Variants in ZNF823 observed in about 807,000 individuals in gnomAD.
The protein encoded by ZNF823 is zinc finger protein 823.
ZNF823 carries 5 observed loss-of-function variants against 11.4 expected under a neutral mutation model. The ratio of observed to expected loss-of-function variants is 0.44; its 90% confidence interval spans 0.23 to 0.92. ZNF823 has a LOEUF of 0.92. ZNF823 is among the 40% of genes least tolerant of loss of function. The probability of loss-of-function intolerance (pLI) is 0.24; values close to 1 mark genes in which losing one functional copy is unlikely to be tolerated. For missense variants in ZNF823, 582 were observed against 738.5 expected, an observed-to-expected ratio of 0.79 and a Z score of 2.46; for synonymous variants, 234 against 250.5, an observed-to-expected ratio of 0.93 and a Z score of 0.62.
Position 11,728,260 on chromosome 19 carries a change from C to T in ZNF823, c.4-2933G>A, listed in dbSNP as rs1323914988. On this transcript the variant is annotated intron_variant, in intron 1 of 3. Transcript: ENST00000341191. ...AACTGCTTCAAAATGTTGCAAAATA[C>T]ACAGAAAGCCTTCAACCACCTGGAA... Among the ~76,000 whole-genome samples the T allele has an allele frequency of 3.9e-5, 6 of 152,226 alleles. No homozygotes were observed. In the East Asian group the frequency reaches 1.2e-3, roughly 29 times the overall value.
In ZNF823 at chr19:11,736,979, C is replaced by A. The variant is rs964652758; in HGVS notation, c.3+1838G>T. Among the ~76,000 whole-genome samples, 8 of 152,150 alleles carry A rather than the reference C, an allele frequency of 5.3e-5. No homozygotes were observed. In the East Asian group the frequency reaches 1.5e-3, roughly 29 times the overall value. ...CAGTATACCAGGAAACTCCTCCCAC[C>A]CCACGACATCCAGCTGCTCCCCTAT... On this transcript the variant is annotated intron_variant, in intron 1 of 3. Coordinates refer to ENST00000341191, the MANE Select transcript of ZNF823 (RefSeq NM_001080493.4).
chr19:11,733,528 G>A (rs2145219802), intron 1 of ZNF823, among the ~76,000 whole-genome samples: 1 of 151,090 alleles, frequency 6.6e-6, no homozygotes, highest in Non-Finnish European at 1.5e-5. Context: ...TGGCGAAACT[G>A]TCTTTACAAA....
Position 11,722,477 on chromosome 19 carries a change from T to C in ZNF823, c.1057A>G (p.Thr353Ala). The change falls in exon 4 of 4, where the codon ACT becomes GCT. Residue 353 changes from threonine (T) to alanine (A), a missense_variant. Around this residue, in one of 3 missense-constraint regions of ZNF823, gnomAD observed 429 missense variants for 553.7 expected, o/e 0.77. Coordinates refer to ENST00000341191, the MANE Select transcript of ZNF823 (RefSeq NM_001080493.4). The surrounding 1 kb of genome is among the most constrained non-coding windows in gnomAD (Gnocchi z 5.2). ...CPSSVRNHET[T>A]HTGEKPYECK... is the part of the protein sequence containing the mutation. ...TCATAGGGTTTCTCTCCAGTGTGAG[T>C]AGTTTCATGATTTCGAACTGAACTA... 6.2e-7 allele frequency: 1 copy of C among 1,614,204 alleles called. No individual in the cohort carries two copies. Among genetic ancestry groups the C allele is most frequent in the Non-Finnish European group, 8.5e-7 (1 of 1,180,030 alleles).
chr19:11,735,807 G>T (rs571578881), intron 1 of ZNF823, among the ~76,000 whole-genome samples: 3 of 152,218 alleles, frequency 2.0e-5, no homozygotes, highest in East Asian at 3.9e-4. Flanking sequence ...ATGTTTATAG[G>T]AGGGAAGAAA....
chr19:11,721,830 A>C lies in ZNF823; in HGVS notation c.1704T>G (p.Arg568=). The part of the protein sequence containing the change: ...LQCGKAFTRS[R]FLRGHEKTHT... ...GAGTTTTTTCATGTCCTCGAAGGAA[A>C]CGGGAACGAGTGAAGGCTTTACCAC... is the stretch of plus-strand genomic sequence containing the variant. The change falls in exon 4 of 4, where the codon CGT becomes CGG. Residue 568 remains arginine, a synonymous_variant. Coordinates refer to ENST00000341191, the MANE Select transcript of ZNF823 (RefSeq NM_001080493.4). The C allele has an allele frequency of 6.2e-7, 1 of 1,613,984 alleles. No homozygotes were observed. The highest frequency in any genetic ancestry group is 1.1e-5 in the South Asian group (1 of 91,068).
At chr19:11,734,540 C>T (rs1482395328) in intron 1 of ZNF823, among the ~76,000 whole-genome samples, 1 of 152,066 alleles carries the variant, frequency 6.6e-6, no homozygotes, top group Non-Finnish European at 1.5e-5. Flanking sequence ...CACAATTCCT[C>T]TCATTTATTT....
In ZNF823 at chr19:11,738,851, T is replaced by C. The variant is rs753906004; in HGVS notation, c.-32A>G. On this transcript the variant is annotated 5_prime_UTR_variant, in exon 1 of 4. Transcript: ENST00000341191. ...GCTTCCAGGTGTCCGGGTGTCCTCC[T>C]TAAAAGCCAGTGTGGGTCCCAGCGC... 1.4e-4 allele frequency: 228 copies of C among 1,606,180 alleles called. No individual in the cohort carries two copies. Among genetic ancestry groups the C allele is most frequent in the Non-Finnish European group, 1.9e-4 (221 of 1,176,522 alleles).
At chr19:11,736,908 T>C (rs1391162006) in intron 1 of ZNF823, among the ~76,000 whole-genome samples, 1 of 151,956 alleles carries the variant, frequency 6.6e-6, no homozygotes, top group Admixed American at 6.5e-5. Flanking sequence ...GAAACTGGGG[T>C]GGGGAAGAAA....
chr19:11,734,343 G>A (rs551362622), intron 1 of ZNF823, among the ~76,000 whole-genome samples: 3 of 151,940 alleles, frequency 2.0e-5, no homozygotes, highest in African/African-American at 7.3e-5. Flanking sequence ...AACACTCTCC[G>A]CATTGCTTCG....
intron 1 of ZNF823, among the ~76,000 whole-genome samples, chr19:11,734,067 T>C (rs1225517991): frequency 6.6e-6 from 1 of 151,838 alleles, no homozygotes; most frequent in Non-Finnish European, 1.5e-5. Context: ...AAACCTCATC[T>C]CTATGAAAAA....
chr19:11,727,880 T>TTTTC (rs1231794468), intron 1 of ZNF823, among the ~76,000 whole-genome samples: 10 of 146,434 alleles, frequency 6.8e-5, no homozygotes, highest in Admixed American at 5.0e-4. Flanking sequence ...ACAGGCTCTC[T>TTTTC]TTTCTTTCTT....
chr19:11,734,543 A>G (rs1214609077), intron 1 of ZNF823, among the ~76,000 whole-genome samples: 1 of 151,774 alleles, frequency 6.6e-6, no homozygotes, highest in African/African-American at 2.4e-5. Flanking sequence ...AATTCCTCTC[A>G]TTTATTTATT....
chr19:11,722,949 C>G lies in ZNF823; in HGVS notation c.585G>C (p.Lys195Asn). 1 of 1,614,220 alleles carries G rather than the reference C, an allele frequency of 6.2e-7. No individual in the cohort carries two copies. Among genetic ancestry groups the G allele is most frequent in the South Asian group, 1.1e-5 (1 of 91,086 alleles). ...GCCAAACAAAGGCTTTCCCACACAACTTACATTTATAAGGTCCATCTCCAT... is the reference window on the plus strand; with the variant it reads ...GCCAAACAAAGGCTTTCCCACACAAGTTACATTTATAAGGTCCATCTCCAT... ...AHHGDGPYKC[K>N]LCGKAFVWPS... The change falls in exon 4 of 4, where the codon AAG becomes AAC. Residue 195 changes from lysine to asparagine, a missense_variant. Around this residue, in one of 3 missense-constraint regions of ZNF823, gnomAD observed 429 missense variants for 553.7 expected, o/e 0.77. Coordinates refer to ENST00000341191, the MANE Select transcript of ZNF823 (RefSeq NM_001080493.4). The surrounding 1 kb of genome is among the most constrained non-coding windows in gnomAD (Gnocchi z 5.2).
intron 1 of ZNF823, among the ~76,000 whole-genome samples, chr19:11,730,180 G>A (rs1185853573): frequency 2.0e-5 from 3 of 152,006 alleles, no homozygotes; most frequent in Non-Finnish European, 2.9e-5. Flanking sequence ...CGCCTGCCTC[G>A]GCCTCCCAAC....
rs764296580 is a variant in ZNF823 at position 11,722,686 on chromosome 19, T to G, written c.848A>C (p.Lys283Thr). 3.7e-6 allele frequency: 6 copies of G among 1,614,214 alleles called. No individual in the cohort carries two copies. Among genetic ancestry groups the G allele is most frequent in the Middle Eastern group, 3.3e-4 (2 of 6,062 alleles). ...EKPYKCTQCG[K>T]AFSCYYYTRL... ...AGTGTAATAGTAACAGCTGAAGGCT[T>G]TCCCACATTGTGTACATTTATAGGG... The change falls in exon 4 of 4, where the codon AAA becomes ACA. Residue 283 changes from lysine (K) to threonine (T), a missense_variant. This residue lies in a region of ZNF823 where 429 missense variants were observed against 553.7 expected (regional missense o/e 0.77). Transcript: ENST00000341191. The surrounding 1 kb of genome is among the most constrained non-coding windows in gnomAD (Gnocchi z 5.2).
At chr19:11,726,447 C>A (rs1267086677) in intron 1 of ZNF823, among the ~76,000 whole-genome samples, 3 of 151,792 alleles carry the variant, frequency 2.0e-5, no homozygotes, top group Non-Finnish European at 4.4e-5. Context: ...GAAACTTCAT[C>A]CTCAATATGA....
chr19:11,728,234 G>C (rs910858034), intron 1 of ZNF823, among the ~76,000 whole-genome samples: 2 of 152,076 alleles, frequency 1.3e-5, no homozygotes, highest in Admixed American at 6.6e-5. Flanking sequence ...AACATGGCAA[G>C]AACTGCTTCA....
At chr19:11,736,827 T>TA (rs1472534357) in intron 1 of ZNF823, among the ~76,000 whole-genome samples, 1 of 151,222 alleles carries the variant, frequency 6.6e-6, no homozygotes, top group Admixed American at 6.6e-5. Flanking sequence ...GCTGAGTAAT[T>TA]ACCCTCCAAG....
intron 3 of ZNF823, among the ~76,000 whole-genome samples, chr19:11,723,851 G>T (rs552322632): frequency 1.3e-5 from 2 of 152,170 alleles, no homozygotes; most frequent in African/African-American, 4.8e-5. Flanking sequence ...GGCCCACATG[G>T]AGATTCTTAA....
Sources: gnomAD v4.1 joint callset for allele counts (sites outside exome capture counted in the v4.1 genomes callset) on GRCh38, gnomAD v4.1.1 for gene constraint, gnomAD v4.1.1 regional missense constraint, Gnocchi (gnomAD v3.1) non-coding constraint, MANE v1.5 for transcripts, NCBI Gene and HGNC (gene_info 2026-07-23, HGNC 2026-07-21) for gene names.